Variants in POLDIP2 observed in about 807,000 individuals in gnomAD.
POLDIP2 encodes polymerase delta-interacting protein 2.
POLDIP2 carries 32 observed loss-of-function variants against 52.9 expected under a neutral mutation model. The ratio of observed to expected loss-of-function variants is 0.61; its 90% CI spans 0.46 to 0.81. The LOEUF (loss-of-function observed/expected upper bound fraction) is 0.81. Among genes scored for constraint, POLDIP2 ranks in the 40% least tolerant of loss-of-function variants. The pLI is 0.00. For missense variants in POLDIP2, 371 were observed against 477.3 expected (o/e 0.78, Z 2.07); for synonymous variants, 183 against 183.0 (o/e 1.00, Z 0.00).
intron 7 of POLDIP2, among the ~76,000 whole-genome samples, chr17:28,351,150 T>G (rs1461169554): frequency 6.6e-6 from 1 of 152,180 alleles, no homozygotes; most frequent in Non-Finnish European, 1.5e-5. Context: ...TTACTGTCCC[T>G]TGCTATAATA....
chr17:28,353,838 A>G (rs1907917178), intron 3 of POLDIP2, 47 bp from the exon 4 acceptor site: 3 of 1,300,778 alleles, frequency 2.3e-6, no homozygotes, highest in African/African-American at 2.9e-5. Context: ...GAGAAATGGA[A>G]GCTGTGGCTG....
At chr17:28,350,829 G>A (rs1555579852) in intron 7 of POLDIP2, 37 bp from the exon 8 acceptor site, 2 of 1,538,874 alleles carry the variant, frequency 1.3e-6, no homozygotes, top group Non-Finnish European at 1.8e-6. Flanking sequence ...GTCCCACAGG[G>A]CAAGACCAAG....
rs533797536 is a variant in POLDIP2 at position 28,347,005 on chromosome 17, C to A, written c.*1112G>T. Reference sequence around the variant, plus strand: ...TAATTTCTAATAAAATTGTGTTAAACTCAATGGTACAGAGCCATGTTTACA... The same window carrying A: ...TAATTTCTAATAAAATTGTGTTAAAATCAATGGTACAGAGCCATGTTTACA... On this transcript the variant is annotated 3_prime_UTR_variant, in exon 11 of 11. Transcript: ENST00000540200. The A allele has an allele frequency of 3.9e-5, 6 of 152,330 alleles. No homozygotes were observed. The South Asian group carries it at 1.2e-3, about 32-fold the overall frequency. 9.4% of individuals were successfully genotyped at this position (152,330 alleles called of 1,614,324 possible). A position where few individuals can be genotyped will look rare whatever the true frequency, so the allele number is the denominator to read the frequency against.
chr17:28,348,455 C>A (rs1173339072), intron 10 of POLDIP2, among the ~76,000 whole-genome samples: 1 of 152,212 alleles, frequency 6.6e-6, no homozygotes, highest in Non-Finnish European at 1.5e-5. Context: ...GAAATCCCAG[C>A]ATTTTGGGAG....
intron 1 of POLDIP2, among the ~76,000 whole-genome samples, chr17:28,356,327 A>C (rs1908026893): frequency 6.6e-6 from 1 of 151,842 alleles, no homozygotes; most frequent in Non-Finnish European, 1.5e-5. Flanking sequence ...AGTTGTGTCC[A>C]TGTCTTATCT....
intron 10 of POLDIP2, 107 bp from the exon 11 acceptor site, chr17:28,348,338 G>C: frequency 1.4e-6 from 1 of 689,796 alleles, no homozygotes. Flanking sequence ...ATGTGAGCCT[G>C]AGCTCTCTTC....
At position 28,357,273 on chromosome 17, in the gene POLDIP2, G is replaced by A. The variant is rs781804437; in HGVS notation, c.161+15C>T. The A allele has an allele frequency of 1.3e-6, 2 of 1,564,166 alleles. No homozygotes were observed. Among genetic ancestry groups the A allele is most frequent in the Non-Finnish European group, 1.7e-6 (2 of 1,165,218 alleles). On this transcript the variant is annotated intron_variant, in intron 1 of 10. Coordinates refer to ENST00000540200, the MANE Select transcript of POLDIP2 (RefSeq NM_015584.5). ...CCAGGCCCAGTTCCTCGCGCCCCCT[G>A]GCTCCGTCCCTCACCGGGACGAGAG...
At chr17:28,348,964 T>C (rs1169754494) in intron 10 of POLDIP2, 119 bp downstream of exon 10, 17 of 635,318 alleles carry the variant, frequency 2.7e-5, no homozygotes, top group African/African-American at 2.0e-4. Context: ...CAGATAAGGC[T>C]CCCTCTAAGA....
chr17:28,352,955 T>G lies in POLDIP2; in HGVS notation c.579A>C (p.Gln193His). The G allele has an allele frequency of 6.4e-7, 1 of 1,571,130 alleles. No individual in the cohort carries two copies. Among genetic ancestry groups the G allele is most frequent in the Non-Finnish European group, 8.8e-7 (1 of 1,140,660 alleles). ...PYTSTDQVPI[Q>H]HELFERFLLY... ...GAAGAAATCTTTCAAAGAGTTCATG[T>G]TGGATGGGAACCTGATCAGTGGAGG... The change falls in exon 6 of 11, where the codon CAA becomes CAC. Residue 193 changes from glutamine (Q) to histidine (H), a missense_variant. By Grantham distance (24) the Gln-to-His change is conservative (BLOSUM62 0). Coordinates refer to ENST00000540200, the MANE Select transcript of POLDIP2 (RefSeq NM_015584.5).
Position 28,348,026 on chromosome 17 carries a change from C to T in POLDIP2, c.*91G>A, listed in dbSNP as rs1315501068. 1 of 739,030 alleles carries T rather than the reference C, an allele frequency of 1.4e-6. No individual in the cohort carries two copies. The highest frequency in any genetic ancestry group is 1.6e-5 in the South Asian group (1 of 61,972). The allele number at this position is 739,030 out of a possible 1,614,324, so 45.8% of individuals were successfully genotyped here. On this transcript the variant is annotated 3_prime_UTR_variant, in exon 11 of 11. Transcript: ENST00000540200. Reference sequence around the variant, plus strand: ...TCAAATTAAGAGACCCACTGTGGCCCATGATGGGGAGAGAAGAGTTCTGCA... The same window carrying T: ...TCAAATTAAGAGACCCACTGTGGCCTATGATGGGGAGAGAAGAGTTCTGCA...
chr17:28,357,088 C>T (rs1555581068), intron 1 of POLDIP2, among the ~76,000 whole-genome samples, 200 bp downstream of exon 1: 1 of 152,222 alleles, frequency 6.6e-6, no homozygotes, highest in Non-Finnish European at 1.5e-5. Context: ...CCTGTACAAC[C>T]AGGGCTCTGG....
intron 10 of POLDIP2, among the ~76,000 whole-genome samples, chr17:28,348,764 C>G (rs1907683243): frequency 6.6e-6 from 1 of 152,172 alleles, no homozygotes; most frequent in African/African-American, 2.4e-5. Context: ...TAGATACATA[C>G]TGCATAAGCT....
chr17:28,353,520 C>CCAAAAAAAAAAAAAAAA (rs1907896470), intron 4 of POLDIP2, among the ~76,000 whole-genome samples, 175 bp downstream of exon 4: 1 of 54,814 alleles, frequency 1.8e-5, no homozygotes, highest in Non-Finnish European at 3.0e-5. Context: ...GACTCCATAT[C>CCAAAAAAAAAAAAAAAA]AAAAAAAAAA....
At chr17:28,353,430 G>A (rs1043297574) in intron 4 of POLDIP2, 114 bp from the exon 5 acceptor site, 18 of 660,912 alleles carry the variant, frequency 2.7e-5, no homozygotes, top group African/African-American at 2.2e-4. Flanking sequence ...GCTGAGGCAG[G>A]AGAATCACTT....
rs2027991 is a variant in POLDIP2 at position 28,355,526 on chromosome 17, A to G, written c.243+269T>C. Reference sequence around the variant, plus strand: ...GGAGGCTGAGGTAGGAGAACTGCTTAAACCCAGGAGGTGGAGCTTGCAGTG... The same window carrying G: ...GGAGGCTGAGGTAGGAGAACTGCTTGAACCCAGGAGGTGGAGCTTGCAGTG... On this transcript the variant is annotated intron_variant, in intron 2 of 10. Transcript: ENST00000540200. Among the ~76,000 whole-genome samples, 1,319 of 152,248 alleles carry G rather than the reference A, an allele frequency of 8.7e-3. 20 individuals carry two copies. The highest frequency in any genetic ancestry group is 0.03 in the African/African-American group (1,259 of 41,538).
At position 28,357,307 on chromosome 17, in the gene POLDIP2, G is replaced by A; in HGVS notation, c.142C>T (p.Arg48Trp). The A allele has an allele frequency of 6.3e-7, 1 of 1,580,348 alleles. No homozygotes were observed. The highest frequency in any genetic ancestry group is 1.1e-5 in the South Asian group (1 of 89,438). Residue 48 changes from arginine to tryptophan, a missense_variant, in exon 1 of 11, where the codon CGG becomes TGG. Physicochemically the swap from Arg to Trp is moderately radical, Grantham distance 101. Transcript: ENST00000540200. ...CCTCACCGGGACGAGAGGTGCCTCC[G>A]CGTCGTCGTGGTCGACGCTGGCGAG... ...AFSPASTTTT[R>W]RHLSSRNRPE...
At chr17:28,350,737 C>G in intron 8 of POLDIP2, 29 bp downstream of exon 8, 1 of 1,595,166 alleles carries the variant, frequency 6.3e-7, no homozygotes, top group Non-Finnish European at 8.5e-7. Context: ...ACCCCACAAG[C>G]TCCCCTTCTC....
At chr17:28,351,897 G>A in intron 6 of POLDIP2, 97 bp from the exon 7 acceptor site, 1 of 1,166,900 alleles carries the variant, frequency 8.6e-7, no homozygotes, top group South Asian at 1.3e-5. Flanking sequence ...GCCCCTCCTA[G>A]AAAACCCTCC....
intron 1 of POLDIP2, among the ~76,000 whole-genome samples, chr17:28,356,963 A>G (rs1908066746): frequency 1.3e-5 from 2 of 152,244 alleles, no homozygotes; most frequent in African/African-American, 4.8e-5. Context: ...TGAGGGTTCA[A>G]GCCAATGCCC....
Sources: gnomAD v4.1 joint callset for allele counts (sites outside exome capture counted in the v4.1 genomes callset) on GRCh38, gnomAD v4.1.1 for gene constraint, MANE v1.5 for transcripts, NCBI Gene and HGNC (gene_info 2026-07-23, HGNC 2026-07-21) for gene names.